SMURF2: variants seen among roughly 807,000 people sequenced by gnomAD.
SMURF2 encodes SMAD specific E3 ubiquitin protein ligase 2.
SMURF2 carries 48 observed loss-of-function variants against 109.6 expected under a neutral mutation model. The observed-to-expected ratio is 0.44, with a 90% CI of 0.35 to 0.56. The LOEUF (loss-of-function observed/expected upper bound fraction) is 0.56, where lower values mean the gene tolerates loss of function less well. SMURF2 is among the 20% of genes least tolerant of loss of function. SMURF2 has a pLI of 0.01. For missense variants in SMURF2, 575 were observed against 909.0 expected (o/e 0.63, Z 4.72); for synonymous variants, 288 against 317.1 (o/e 0.91, Z 0.97).
Position 64,561,536 on chromosome 17 carries a change from C to A in SMURF2, c.1280G>T (p.Arg427Leu), listed in dbSNP as rs548461235. ...DLWKRLMIKF[R>L]GEEGLDYGGV... The stretch of plus-strand genomic sequence containing the variant: ...TCCATAGTCAAGGCCTTCTTCTCCA[C>A]GAAATTTTATCATTAATCGCTTCCA... The change falls in exon 12 of 19, where the codon CGT becomes CTT. Residue 427 changes from arginine to leucine, a missense_variant. Physicochemically the swap from Arg to Leu is moderately radical, Grantham distance 102. This residue lies in a region of SMURF2 where 361 missense variants were observed against 612.1 expected (regional missense o/e 0.59). Coordinates refer to ENST00000262435, the MANE Select transcript of SMURF2 (RefSeq NM_022739.4). 1.9e-5 allele frequency: 31 copies of A among 1,613,840 alleles called. No homozygotes were observed. Among genetic ancestry groups the A allele is most frequent in the Admixed American group, 8.3e-5 (5 of 59,996 alleles).
chr17:64,556,061 A>G, intron 13 of SMURF2, 63 bp from the exon 14 acceptor site: 1 of 1,238,042 alleles, frequency 8.1e-7, no homozygotes, highest in East Asian at 2.4e-5. Context: ...AATAAAAATG[A>G]AATATTTCAG....
At chr17:64,624,801 G>A (rs538423268) in intron 1 of SMURF2, among the ~76,000 whole-genome samples, 1 of 152,040 alleles carries the variant, frequency 6.6e-6, no homozygotes, top group Admixed American at 6.6e-5. Context: ...ACTCCAGCCT[G>A]GGCAACAGAG....
At chr17:64,643,513 T>C (rs1970517523) in intron 1 of SMURF2, among the ~76,000 whole-genome samples, 1 of 152,278 alleles carries the variant, frequency 6.6e-6, no homozygotes, top group South Asian at 2.1e-4. Flanking sequence ...TCTCTGGCTT[T>C]AAATCGGGTT....
chr17:64,610,174 T>C (rs554646879), intron 1 of SMURF2, among the ~76,000 whole-genome samples: 26 of 152,338 alleles, frequency 1.7e-4, no homozygotes, highest in Non-Finnish European at 2.9e-4. Context: ...GTAAATTAGT[T>C]CAACCATTGT....
chr17:64,569,951 A>G (rs781796970), intron 10 of SMURF2, among the ~76,000 whole-genome samples: 9 of 152,206 alleles, frequency 5.9e-5, no homozygotes, highest in Non-Finnish European at 1.2e-4. Context: ...CTGTTTCTTC[A>G]GATACTTTTA....
intron 1 of SMURF2, among the ~76,000 whole-genome samples, chr17:64,632,731 C>T (rs992878548): frequency 2.0e-5 from 3 of 152,208 alleles, no homozygotes; most frequent in Non-Finnish European, 4.4e-5. Context: ...GACAGTGTAA[C>T]ACAGAGCTTA....
At chr17:64,596,365 T>C (rs1338039203) in intron 3 of SMURF2, among the ~76,000 whole-genome samples, 1 of 151,858 alleles carries the variant, frequency 6.6e-6, no homozygotes, top group Non-Finnish European at 1.5e-5. Context: ...TACATTATAT[T>C]TCTACTCAAC....
At chr17:64,609,240 T>A (rs567807990) in intron 1 of SMURF2, among the ~76,000 whole-genome samples, 4 of 152,124 alleles carry the variant, frequency 2.6e-5, no homozygotes, top group African/African-American at 9.7e-5. Flanking sequence ...CAAGCTACCA[T>A]TGACTCTCTT....
Position 64,598,329 on chromosome 17 carries a change from A to G in SMURF2, c.200+53T>C, listed in dbSNP as rs1350429804. 42 of 1,373,826 alleles carry G rather than the reference A, an allele frequency of 3.1e-5. No homozygotes were observed. In the Admixed American group the frequency reaches 6.9e-4, roughly 22 times the overall value. The allele number at this position is 1,373,826 out of a possible 1,614,324, so 85.1% of individuals were successfully genotyped here. ...TTTCCCATGATTATTTTCAAAGACT[A>G]TATCAAATAATTTAATGATATGTTC... On this transcript the variant is annotated intron_variant, in intron 3 of 18. Coordinates refer to ENST00000262435, the MANE Select transcript of SMURF2 (RefSeq NM_022739.4).
In SMURF2 at chr17:64,555,885, C is replaced by T. The variant is rs547839982; in HGVS notation, c.1545G>A (p.Lys515=). The stretch of plus-strand genomic sequence containing the variant: ...ACTCCATGTCATCCAAGGTAATTGA[C>T]TTCCCAAGCAATTGCTTATAAAAAG... ...TLPFYKQLLG[K]SITLDDMELV... The change falls in exon 14 of 19, where the codon AAG becomes AAA. Residue 515 remains lysine (K), a synonymous_variant. Transcript: ENST00000262435. The T allele has an allele frequency of 6.2e-7, 1 of 1,613,482 alleles. No individual in the cohort carries two copies. Among genetic ancestry groups the T allele is most frequent in the South Asian group, 1.1e-5 (1 of 91,044 alleles).
At chr17:64,621,262 A>T (rs1970197060) in intron 1 of SMURF2, among the ~76,000 whole-genome samples, 1 of 152,198 alleles carries the variant, frequency 6.6e-6, no homozygotes, top group Admixed American at 6.5e-5. Flanking sequence ...ACAAGCACAA[A>T]TAGGAAAGAA....
At chr17:64,615,873 A>G (rs1970113873) in intron 1 of SMURF2, among the ~76,000 whole-genome samples, 1 of 152,094 alleles carries the variant, frequency 6.6e-6, no homozygotes, top group South Asian at 2.1e-4. Flanking sequence ...TCTGTTGCCC[A>G]GGCTGGAGTG....
At chr17:64,610,572 A>T in intron 1 of SMURF2, among the ~76,000 whole-genome samples, 2 of 152,180 alleles carry the variant, frequency 1.3e-5, no homozygotes, top group East Asian at 3.9e-4. Context: ...ACACATGGAC[A>T]CATGGAGGGG....
intron 10 of SMURF2, among the ~76,000 whole-genome samples, chr17:64,570,570 AG>A (rs1473503469): frequency 6.6e-6 from 1 of 152,216 alleles, no homozygotes; most frequent in African/African-American, 2.4e-5. Flanking sequence ...AGAAAAGAAA[AG>A]CAAAGGATGC....
intron 1 of SMURF2, among the ~76,000 whole-genome samples, chr17:64,629,367 G>T (rs1348163208): frequency 1.3e-5 from 2 of 152,120 alleles, no homozygotes; most frequent in Non-Finnish European, 2.9e-5. Flanking sequence ...AGCCAGGCAT[G>T]GTGGCGCTTG....
chr17:64,552,510 G>A (rs184168482), intron 15 of SMURF2, among the ~76,000 whole-genome samples: 15 of 152,264 alleles, frequency 9.9e-5, no homozygotes, highest in Admixed American at 7.2e-4. Flanking sequence ...GGGTTAAGGG[G>A]ACAGCAAAAC....
chr17:64,570,538 A>G (rs555966238), intron 10 of SMURF2, among the ~76,000 whole-genome samples: 120 of 152,346 alleles, frequency 7.9e-4, no homozygotes, highest in Non-Finnish European at 1.5e-3. Context: ...TAACAGAGTT[A>G]GAAGAAATGA....
At chr17:64,587,878 G>C (rs1167362617) in intron 5 of SMURF2, among the ~76,000 whole-genome samples, 3 of 151,966 alleles carry the variant, frequency 2.0e-5, no homozygotes, top group Non-Finnish European at 4.4e-5. Flanking sequence ...GCATTGTTTA[G>C]AATAATAGTA....
chr17:64,606,242 C>G (rs1969968839), intron 2 of SMURF2, among the ~76,000 whole-genome samples: 1 of 152,040 alleles, frequency 6.6e-6, no homozygotes, highest in South Asian at 2.1e-4. Flanking sequence ...AGTAAAGTTT[C>G]CCATGAAATT....
Sources: allele counts gnomAD v4.1 joint callset (sites outside exome capture counted in the v4.1 genomes callset), GRCh38; gene constraint gnomAD v4.1.1; regional missense constraint gnomAD v4.1.1; transcripts MANE v1.5; gene names NCBI Gene and HGNC (gene_info 2026-07-23, HGNC 2026-07-21).